The following GATAD2B variants were observed in gnomAD, a reference collection of about 807,000 sequenced individuals.
GATAD2B encodes GATA zinc finger domain containing 2B, also known as transcriptional repressor p66-beta.
A neutral mutation model predicts 64.3 loss-of-function variants in GATAD2B; 8 were observed. The ratio of observed to expected loss-of-function variants is 0.12; its 90% CI spans 0.07 to 0.22. The LOEUF is 0.22. GATAD2B is among the 10% of genes least tolerant of loss of function. GATAD2B has a pLI of 1.00. For synonymous variants in GATAD2B, 281 were observed against 271.3 expected (o/e 1.04, Z -0.35); for missense variants, 453 against 752.0 (o/e 0.60, Z 4.65).
Position 153,921,094 on chromosome 1 carries a change from G to A in GATAD2B, c.-2+1639C>T, listed in dbSNP as rs569978579. ...AAGTACTGACAGAAATACTACTCTA[G>A]GACAATACTTGAAAGGCTGCTCCAG... is the stretch of plus-strand genomic sequence containing the variant. On this transcript the variant is annotated intron_variant, in intron 1 of 10. Coordinates refer to ENST00000368655, the MANE Select transcript of GATAD2B (RefSeq NM_020699.4). Among the ~76,000 whole-genome samples the A allele has an allele frequency of 1.9e-4, 29 of 152,256 alleles. 1 individual carries two copies. The South Asian group carries it at 6.0e-3, about 32-fold the overall frequency.
chr1:153,846,554 GTTCTT>G (rs1557800513), intron 1 of GATAD2B, among the ~76,000 whole-genome samples: 4 of 132,246 alleles, frequency 3.0e-5, no homozygotes, highest in African/African-American at 8.8e-5. Context: ...TGTTCTTTGC[GTTCTT>G]TTTTTTTTTT....
chr1:153,855,510 G>A (rs1457910740), intron 1 of GATAD2B, among the ~76,000 whole-genome samples: 6 of 151,602 alleles, frequency 4.0e-5, no homozygotes, highest in Non-Finnish European at 8.8e-5. Context: ...GATTACGGGC[G>A]TGAGCCCAGC....
rs143241566 is a variant in GATAD2B at position 153,812,119 on chromosome 1, C to T, written c.1433G>A (p.Arg478Gln). ...ALQQEQEIEQ[R>Q]LQQQAALSPT... ...GGAGAGGGCTGCCTGCTGCTGTAATCGCTGTTCAATTTCCTGTTGGGAGTC... is the reference window on the plus strand; with the variant it reads ...GGAGAGGGCTGCCTGCTGCTGTAATTGCTGTTCAATTTCCTGTTGGGAGTC... The change falls in exon 9 of 11, where the codon CGA becomes CAA. Residue 478 changes from arginine (R) to glutamine (Q), a missense_variant. Physicochemically the swap from Arg to Gln is conservative, Grantham distance 43 (BLOSUM62 1). This residue lies in a region of GATAD2B where 160 missense variants were observed against 334.7 expected (regional missense o/e 0.48). Coordinates refer to ENST00000368655, the MANE Select transcript of GATAD2B (RefSeq NM_020699.4). 3.1e-6 allele frequency: 5 copies of T among 1,606,952 alleles called. No homozygotes were observed. The highest frequency in any genetic ancestry group is 1.1e-5 in the South Asian group (1 of 90,922).
chr1:153,809,991 AAGGGGAGGTGGC>A lies in GATAD2B; in HGVS notation c.*174_*185del. 3.5e-6 allele frequency: 2 copies of A among 574,404 alleles called. No individual in the cohort carries two copies. Among genetic ancestry groups the A allele is most frequent in the Non-Finnish European group, 6.1e-6 (2 of 327,046 alleles). 35.6% of individuals were successfully genotyped at this position (574,404 alleles called of 1,614,324 possible). The stretch of plus-strand genomic sequence containing the variant: ...GAACAGATCGCAGCAGTGTGAAATA[AAGGGGAGGTGGC>A]AGGGCAGGGCGTGTGTTTTCTTGCT... On this transcript the variant is annotated 3_prime_UTR_variant, in exon 11 of 11. Transcript: ENST00000368655.
Position 153,909,530 on chromosome 1 carries a change from G to A in GATAD2B, c.-2+13203C>T, listed in dbSNP as rs542633576. 2.5e-4 allele frequency among the ~76,000 whole-genome samples: 38 copies of A among 151,628 alleles called. No homozygotes were observed. In the Middle Eastern group the frequency reaches 0.014, roughly 55 times the overall value. ...AAAAATAATTTTTAAGGCCAGGCACGATGGCTCATGCCTGTAATCACAGCA... is the reference window on the plus strand; with the variant it reads ...AAAAATAATTTTTAAGGCCAGGCACAATGGCTCATGCCTGTAATCACAGCA... On this transcript the variant is annotated intron_variant, in intron 1 of 10. Transcript: ENST00000368655.
intron 1 of GATAD2B, among the ~76,000 whole-genome samples, chr1:153,861,809 T>TATATATATATATATACACAC (rs1294838675): frequency 1.6e-5 from 2 of 122,176 alleles, no homozygotes; most frequent in African/African-American, 6.0e-5. Context: ...TATATATATA[T>TATATATATATATATACACAC]ACACATATGT....
chr1:153,892,414 G>C (rs1289062837), intron 1 of GATAD2B, among the ~76,000 whole-genome samples: 1 of 151,962 alleles, frequency 6.6e-6, no homozygotes, highest in Non-Finnish European at 1.5e-5. Context: ...TTGAATCCAA[G>C]GGAAAAATAA....
At chr1:153,812,967 CTAT>C (rs1674346220) in intron 8 of GATAD2B, among the ~76,000 whole-genome samples, 1 of 152,178 alleles carries the variant, frequency 6.6e-6, no homozygotes, top group African/African-American at 2.4e-5. Flanking sequence ...CCACCAAAAT[CTAT>C]TATTTGTTTT....
At chr1:153,852,966 T>C (rs1163727616) in intron 1 of GATAD2B, 15 of 915,338 alleles carry the variant, frequency 1.6e-5, no homozygotes, top group Non-Finnish European at 2.7e-5. Flanking sequence ...TGACACAGAC[T>C]TGGGTCTTCT....
intron 1 of GATAD2B, among the ~76,000 whole-genome samples, chr1:153,871,063 GTTT>G (rs1162139020): frequency 6.6e-6 from 1 of 151,080 alleles, no homozygotes; most frequent in East Asian, 2.0e-4. Flanking sequence ...CACGCCTGGT[GTTT>G]TTTGTTTTTT....
intron 1 of GATAD2B, among the ~76,000 whole-genome samples, chr1:153,840,142 C>G (rs1326761831): frequency 1.4e-5 from 2 of 144,208 alleles, no homozygotes; most frequent in Non-Finnish European, 3.0e-5. Flanking sequence ...AAGCGATTCT[C>G]CTGCCTCAGC....
chr1:153,895,442 T>C (rs1677557092), intron 1 of GATAD2B, among the ~76,000 whole-genome samples: 1 of 151,994 alleles, frequency 6.6e-6, no homozygotes, highest in Non-Finnish European at 1.5e-5. Flanking sequence ...CAACCAGTCG[T>C]GGTGGCACAT....
chr1:153,909,137 G>A (rs1393043377), intron 1 of GATAD2B, among the ~76,000 whole-genome samples: 1 of 152,150 alleles, frequency 6.6e-6, no homozygotes, highest in Admixed American at 6.5e-5. Flanking sequence ...CCCAGGAAGT[G>A]AGGGCTGTAG....
At chr1:153,868,616 C>G (rs1443490871) in intron 1 of GATAD2B, among the ~76,000 whole-genome samples, 1 of 152,028 alleles carries the variant, frequency 6.6e-6, no homozygotes, top group Admixed American at 6.6e-5. Context: ...ACCCTGCTCC[C>G]CTAAATGTTA....
chr1:153,871,396 G>A (rs553261315), intron 1 of GATAD2B, among the ~76,000 whole-genome samples: 7 of 151,862 alleles, frequency 4.6e-5, no homozygotes, highest in South Asian at 2.1e-4. Context: ...GTAGAGATGG[G>A]GTTTGCCATG....
intron 1 of GATAD2B, among the ~76,000 whole-genome samples, chr1:153,828,779 TA>T (rs1265493674): frequency 6.6e-6 from 1 of 152,198 alleles, no homozygotes; most frequent in Non-Finnish European, 1.5e-5. Context: ...AGATGCTTTT[TA>T]AAATGAAGAA....
At chr1:153,911,602 G>C (rs1203257760) in intron 1 of GATAD2B, among the ~76,000 whole-genome samples, 1 of 152,134 alleles carries the variant, frequency 6.6e-6, no homozygotes, top group African/African-American at 2.4e-5. Context: ...CGGGCATGGT[G>C]GTAGGCGCCT....
chr1:153,912,243 G>T (rs924012867), intron 1 of GATAD2B, among the ~76,000 whole-genome samples: 2 of 152,170 alleles, frequency 1.3e-5, no homozygotes, highest in Non-Finnish European at 2.9e-5. Flanking sequence ...AGAAATTGAA[G>T]AATTTTTTTT....
At chr1:153,916,623 G>A (rs1029162302) in intron 1 of GATAD2B, among the ~76,000 whole-genome samples, 1 of 151,972 alleles carries the variant, frequency 6.6e-6, no homozygotes, top group Non-Finnish European at 1.5e-5. Flanking sequence ...TATATATGAA[G>A]TTTTTTTCAA....
Sources: allele counts gnomAD v4.1 joint callset (sites outside exome capture counted in the v4.1 genomes callset), GRCh38; gene constraint gnomAD v4.1.1; regional missense constraint gnomAD v4.1.1; transcripts MANE v1.5; gene names NCBI Gene and HGNC (gene_info 2026-07-23, HGNC 2026-07-21).